The following TNFRSF8 variants were observed in gnomAD, a reference collection of about 807,000 sequenced individuals.
TNFRSF8 encodes TNF receptor superfamily member 8.
In TNFRSF8, 26 loss-of-function variants were observed where a neutral mutation model predicts 70.8. That is an observed-to-expected ratio of 0.37 (90% CI 0.27 to 0.51). TNFRSF8 has a LOEUF of 0.51. Among genes scored for constraint, TNFRSF8 ranks in the 20% least tolerant of loss-of-function variants. TNFRSF8 has a pLI of 0.94. For synonymous variants in TNFRSF8, 356 were observed against 339.2 expected, an observed-to-expected ratio of 1.05 and a Z score of -0.54; for missense variants, 720 against 807.9, an observed-to-expected ratio of 0.89 and a Z score of 1.32.
intron 3 of TNFRSF8, among the ~76,000 whole-genome samples, chr1:12,101,338 G>A (rs778852798): frequency 7.3e-5 from 11 of 151,560 alleles, no homozygotes; most frequent in South Asian, 6.2e-4. Flanking sequence ...GAGGTGGGAG[G>A]ATGGCTTGAG....
At chr1:12,081,801 C>T (rs1377958062) in intron 1 of TNFRSF8, among the ~76,000 whole-genome samples, 1 of 152,186 alleles carries the variant, frequency 6.6e-6, no homozygotes, top group Non-Finnish European at 1.5e-5. Flanking sequence ...TTAGGCCAGC[C>T]AGGCCTCTCT....
At chr1:12,136,026 A>C (rs1272575421) in intron 13 of TNFRSF8, among the ~76,000 whole-genome samples, 1 of 150,144 alleles carries the variant, frequency 6.7e-6, no homozygotes, top group Non-Finnish European at 1.5e-5. Context: ...CATGAATCTC[A>C]TCCTCCAAGC....
intron 12 of TNFRSF8, among the ~76,000 whole-genome samples, chr1:12,126,840 C>T (rs201223989): frequency 6.6e-6 from 1 of 152,222 alleles, no homozygotes; most frequent in African/African-American, 2.4e-5. Context: ...TCGTCGAGGT[C>T]GGGCTGTTAA....
chr1:12,076,695 G>A (rs1285753567), intron 1 of TNFRSF8, among the ~76,000 whole-genome samples: 2 of 152,214 alleles, frequency 1.3e-5, no homozygotes, highest in South Asian at 2.1e-4. Context: ...TGTGAGAGGT[G>A]CTGCCTGTGG....
At chr1:12,106,019 T>C (rs1167997275) in intron 4 of TNFRSF8, among the ~76,000 whole-genome samples, 1 of 151,988 alleles carries the variant, frequency 6.6e-6, no homozygotes, top group Non-Finnish European at 1.5e-5. Context: ...TTGACCTGCC[T>C]TCTTCTCTTC....
At chr1:12,071,752 C>A (rs1557572459) in intron 1 of TNFRSF8, among the ~76,000 whole-genome samples, 1 of 152,128 alleles carries the variant, frequency 6.6e-6, no homozygotes, top group African/African-American at 2.4e-5. Context: ...TTAGTACAGA[C>A]AGGTTTCACC....
chr1:12,107,011 C>T (rs1483303050), intron 4 of TNFRSF8, among the ~76,000 whole-genome samples: 1 of 152,252 alleles, frequency 6.6e-6, no homozygotes. Context: ...GACTGCCACA[C>T]AGCGGCGCCA....
At chr1:12,081,256 T>C (rs1156754544) in intron 1 of TNFRSF8, among the ~76,000 whole-genome samples, 1 of 151,892 alleles carries the variant, frequency 6.6e-6, no homozygotes, top group Non-Finnish European at 1.5e-5. Flanking sequence ...ATGGTCCCCA[T>C]AGACTCCGTA....
Position 12,142,347 on chromosome 1 carries a change from C to CGGA in TNFRSF8, c.1607_1609dup (p.Glu536dup). 6.2e-7 allele frequency: 1 copy of CGGA among 1,607,056 alleles called. No individual in the cohort carries two copies. Among genetic ancestry groups the CGGA allele is most frequent in the Non-Finnish European group, 8.5e-7 (1 of 1,176,944 alleles). ...GTGGGGACCGTGAAGGCTGAGCTGC[C>CGGA]GGAGGGCCGGGGCCTGGCGGGGCCA... is the stretch of plus-strand genomic sequence containing the variant. On this transcript the variant is annotated inframe_insertion, in exon 15 of 15. Transcript: ENST00000263932. This position sits in a 1 kb window ranked among gnomAD's most constrained non-coding sequence, Gnocchi z 5.0.
chr1:12,097,267 G>A (rs369715065), intron 3 of TNFRSF8, 50 bp downstream of exon 3: 10 of 1,375,368 alleles, frequency 7.3e-6, no homozygotes, highest in Admixed American at 3.4e-5. Flanking sequence ...AGCATGAGGG[G>A]TCCTCAGAGG....
intron 13 of TNFRSF8, 92 bp downstream of exon 13, chr1:12,135,705 G>T: frequency 6.5e-7 from 1 of 1,543,762 alleles, no homozygotes; most frequent in Non-Finnish European, 8.8e-7. Flanking sequence ...GCTGCTGGGG[G>T]AAGGGAGAGG....
intron 1 of TNFRSF8, among the ~76,000 whole-genome samples, chr1:12,078,167 G>A (rs934124262): frequency 7.2e-5 from 11 of 152,106 alleles, no homozygotes; most frequent in Admixed American, 6.6e-4. Context: ...TCCAGATGGC[G>A]GGAAGGTGAG....
Position 12,138,377 on chromosome 1 carries a change from C to T in TNFRSF8, c.1484C>T (p.Ser495Leu), listed in dbSNP as rs199947044. The T allele has an allele frequency of 1.4e-5, 23 of 1,613,510 alleles. No homozygotes were observed. Among genetic ancestry groups the T allele is most frequent in the South Asian group, 4.4e-5 (4 of 91,058 alleles). ...GATGCCAGCCCGGCCGGGGGCCCCT[C>T]GTCCCCCAGGGACCTTCCTGAGCCC... The part of the protein sequence containing the change: ...LQDASPAGGP[S>L]SPRDLPEPRV... Residue 495 changes from serine to leucine, a missense_variant, in exon 14 of 15, where the codon TCG becomes TTG. By Grantham distance (145) the Ser-to-Leu change is moderately radical. Coordinates refer to ENST00000263932, the MANE Select transcript of TNFRSF8 (RefSeq NM_001243.5). This position sits in a 1 kb window ranked among gnomAD's most constrained non-coding sequence, Gnocchi z 5.7.
rs1340662184 is a variant in TNFRSF8, at chr1:12,088,635, C to T, written c.151+4084C>T. 2.0e-5 allele frequency among the ~76,000 whole-genome samples: 3 copies of T among 152,218 alleles called. No individual in the cohort carries two copies. Among genetic ancestry groups the T allele is most frequent in the Non-Finnish European group, 2.9e-5 (2 of 68,042 alleles). On this transcript the variant is annotated intron_variant, in intron 2 of 14. Transcript: ENST00000263932. This position sits in a 1 kb window ranked among gnomAD's most constrained non-coding sequence, Gnocchi z 4.0. ...TCCCCACAGGAAGGGGTCTCTCCTG[C>T]AGATGTTTGAGGCCTGCCCAGGTTC...
intron 2 of TNFRSF8, among the ~76,000 whole-genome samples, chr1:12,094,810 G>C (rs1410034286): frequency 6.6e-6 from 1 of 151,936 alleles, no homozygotes; most frequent in African/African-American, 2.4e-5. Context: ...ATTTTTAGTA[G>C]AGACGGGGTT....
At chr1:12,124,606 G>A (rs111414719) in intron 10 of TNFRSF8, among the ~76,000 whole-genome samples, 22,876 of 151,942 alleles carry the variant, frequency 0.15, 1,904 homozygotes, top group African/African-American at 0.18. Flanking sequence ...GGTGGATCAC[G>A]AGGTCAGGAG....
intron 4 of TNFRSF8, among the ~76,000 whole-genome samples, chr1:12,107,911 C>T (rs975107624): frequency 2.0e-5 from 3 of 152,040 alleles, no homozygotes; most frequent in African/African-American, 7.2e-5. Context: ...GTGTGGAAAT[C>T]GAGGTCCGGA....
intron 3 of TNFRSF8, among the ~76,000 whole-genome samples, chr1:12,103,500 C>T (rs1373128905): frequency 6.6e-6 from 1 of 152,110 alleles, no homozygotes; most frequent in Non-Finnish European, 1.5e-5. Flanking sequence ...AACAGGGTAT[C>T]ACTCTTTTGC....
At position 12,142,410 on chromosome 1, in the gene TNFRSF8, A is replaced by G. The variant is rs2101054653; in HGVS notation, c.1667A>G (p.His556Arg). 2.5e-6 allele frequency: 4 copies of G among 1,612,908 alleles called. No individual in the cohort carries two copies. The highest frequency in any genetic ancestry group is 3.4e-6 in the Non-Finnish European group (4 of 1,179,646). The change falls in exon 15 of 15, where the codon CAT (histidine) becomes CGT (arginine). Residue 556 changes from histidine (H) to arginine (R), a missense_variant. Coordinates refer to ENST00000263932, the MANE Select transcript of TNFRSF8 (RefSeq NM_001243.5). This position sits in a 1 kb window ranked among gnomAD's most constrained non-coding sequence, Gnocchi z 5.0. ...PELEEELEAD[H>R]TPHYPEQETE... is the part of the protein sequence containing the mutation. ...TTGGAGGAGGAGCTGGAGGCGGACC[A>G]TACCCCCCACTACCCCGAGCAGGAG...
Sources: allele counts gnomAD v4.1 joint callset (sites outside exome capture counted in the v4.1 genomes callset), GRCh38; gene constraint gnomAD v4.1.1; non-coding constraint Gnocchi (gnomAD v3.1); transcripts MANE v1.5; gene names NCBI Gene and HGNC (gene_info 2026-07-23, HGNC 2026-07-21).